Variants in INO80 observed in about 807,000 individuals in gnomAD.
The protein encoded by INO80 is INO80 complex ATPase subunit, also known as chromatin-remodeling ATPase INO80.
INO80 carries 20 observed loss-of-function variants against 203.4 expected under a neutral mutation model. That is an observed-to-expected ratio of 0.10 (90% confidence interval 0.07 to 0.14). The LOEUF (loss-of-function observed/expected upper bound fraction) is 0.14. Ranked by LOEUF, INO80 falls within the 10% of genes least tolerant of loss-of-function variation. The pLI, the probability that INO80 is intolerant of heterozygous loss-of-function variation, is 1.00. For synonymous variants in INO80, 726 were observed against 685.2 expected, an observed-to-expected ratio of 1.06 and a Z score of -0.93; for missense variants, 1,419 against 1,914.4, an observed-to-expected ratio of 0.74 and a Z score of 4.83.
At chr15:41,010,257 T>A (rs1196394865) in intron 27 of INO80, among the ~76,000 whole-genome samples, 1 of 152,238 alleles carries the variant, frequency 6.6e-6, no homozygotes. Context: ...TGGTTATGTT[T>A]ATCCAATCAT....
At chr15:41,012,465 C>T (rs1370757036) in intron 27 of INO80, among the ~76,000 whole-genome samples, 1 of 145,840 alleles carries the variant, frequency 6.9e-6, no homozygotes, top group African/African-American at 2.5e-5. Context: ...GCTCTGGAGG[C>T]TGAGGAAGAA....
intron 24 of INO80, among the ~76,000 whole-genome samples, chr15:41,038,585 A>G (rs1398751808): frequency 2.6e-5 from 4 of 152,084 alleles, no homozygotes; most frequent in Admixed American, 2.6e-4. Context: ...TTCCCTCTGG[A>G]TCCTCTCTTG....
intron 6 of INO80, among the ~76,000 whole-genome samples, chr15:41,086,318 G>A (rs2045564013): frequency 6.6e-6 from 1 of 152,034 alleles, no homozygotes; most frequent in African/African-American, 2.4e-5. Context: ...AGATAATAGA[G>A]AAAGAAGGGA....
At chr15:41,097,960 C>A (rs1213765570) in intron 1 of INO80, among the ~76,000 whole-genome samples, 2 of 151,730 alleles carry the variant, frequency 1.3e-5, no homozygotes, top group Non-Finnish European at 2.9e-5. Context: ...TCTCAAAAAA[C>A]AACAACAACA....
intron 14 of INO80, among the ~76,000 whole-genome samples, chr15:41,066,831 G>GAAA (rs11476914): frequency 3.5e-5 from 3 of 85,730 alleles, no homozygotes; most frequent in African/African-American, 9.1e-5. Flanking sequence ...ATGTCTCTAA[G>GAAA]AAAAAAAAAA....
intron 24 of INO80, among the ~76,000 whole-genome samples, chr15:41,028,813 A>G (rs8035532): frequency 0.12 from 17,961 of 152,108 alleles, 3,160 homozygotes; most frequent in African/African-American, 0.38. Flanking sequence ...CTGAGATCGC[A>G]CCATTGCACT....
At chr15:41,029,043 T>C (rs2044420332) in intron 24 of INO80, among the ~76,000 whole-genome samples, 1 of 152,220 alleles carries the variant, frequency 6.6e-6, no homozygotes, top group South Asian at 2.1e-4. Flanking sequence ...TGGATCTGCA[T>C]TCTTATTTGT....
rs2140401360 is a variant in INO80 at position 40,980,185 on chromosome 15, C to A, written c.*38G>T. On this transcript the variant is annotated 3_prime_UTR_variant, in exon 36 of 36. Coordinates refer to ENST00000648947, the MANE Select transcript of INO80 (RefSeq NM_017553.3). ...GACCACTGGCAGGTCAGGACTCTAGCCCTGGTTTGGTTGAAGGAAGTCGGA... is the reference window on the plus strand; with the variant it reads ...GACCACTGGCAGGTCAGGACTCTAGACCTGGTTTGGTTGAAGGAAGTCGGA... The A allele has an allele frequency of 6.5e-7, 1 of 1,541,062 alleles. No homozygotes were observed. The highest frequency in any genetic ancestry group is 2.2e-5 in the East Asian group (1 of 44,536).
intron 25 of INO80, chr15:41,023,495 G>A (rs190535112): frequency 3.8e-4 from 122 of 324,080 alleles, no homozygotes; most frequent in Non-Finnish European, 5.3e-4. Flanking sequence ...AGACTAAAGC[G>A]CGGTGGCTCA....
chr15:41,020,816 A>T (rs1037917688), intron 26 of INO80, 84 bp downstream of exon 26: 1 of 825,498 alleles, frequency 1.2e-6, no homozygotes, highest in East Asian at 2.5e-5. Context: ...TAAATTCCAA[A>T]TATCTGAAAG....
chr15:41,082,946 T>C (rs2045506565), intron 7 of INO80, among the ~76,000 whole-genome samples: 1 of 151,664 alleles, frequency 6.6e-6, no homozygotes, highest in South Asian at 2.1e-4. Context: ...CTTCATCAGG[T>C]ACTAAGTCAT....
chr15:41,041,585 C>T lies in INO80; in HGVS notation c.2907+3319G>A, dbSNP rs181656206. 2.8e-3 allele frequency among the ~76,000 whole-genome samples: 419 copies of T among 151,760 alleles called. 3 individuals are homozygous for T. The highest frequency in any genetic ancestry group is 0.013 in the South Asian group (62 of 4,790). On this transcript the variant is annotated intron_variant, in intron 24 of 35. Coordinates refer to ENST00000648947, the MANE Select transcript of INO80 (RefSeq NM_017553.3). The stretch of plus-strand genomic sequence containing the variant: ...CCTCCCTAGTAGTTGGGATTACAGG[C>T]GCACACCGCCACGCCCAGCTAATTT...
At chr15:41,043,426 G>GC (rs1171297040) in intron 24 of INO80, among the ~76,000 whole-genome samples, 1 of 152,126 alleles carries the variant, frequency 6.6e-6, no homozygotes, top group Non-Finnish European at 1.5e-5. Context: ...ACCACTGACA[G>GC]CATTACTCCA....
At chr15:41,060,031 C>T (rs1481912702) in intron 14 of INO80, 105 bp from the exon 15 acceptor site, 3 of 753,412 alleles carry the variant, frequency 4.0e-6, no homozygotes, top group Non-Finnish European at 6.3e-6. Context: ...ATAAAATGAG[C>T]ATAGGAATTC....
intron 24 of INO80, among the ~76,000 whole-genome samples, chr15:41,039,422 T>G (rs1212780024): frequency 6.6e-6 from 1 of 152,242 alleles, no homozygotes; most frequent in Non-Finnish European, 1.5e-5. Context: ...GTGTGTGTGT[T>G]TTTAAGCATG....
intron 28 of INO80, among the ~76,000 whole-genome samples, chr15:41,003,454 C>T (rs577177036): frequency 1.4e-4 from 21 of 150,328 alleles, no homozygotes; most frequent in Non-Finnish European, 2.2e-4. Context: ...CTCAGCCTCC[C>T]GAGTAGCTGG....
intron 32 of INO80, 131 bp from the exon 33 acceptor site, chr15:40,984,483 G>A (rs933024780): frequency 9.7e-6 from 8 of 826,076 alleles, no homozygotes; most frequent in Middle Eastern, 2.3e-4. Context: ...ATATTTTTAC[G>A]GAAGAAAAAC....
At chr15:41,060,326 C>G (rs969960277) in intron 14 of INO80, among the ~76,000 whole-genome samples, 2 of 152,158 alleles carry the variant, frequency 1.3e-5, no homozygotes, top group Admixed American at 6.5e-5. Flanking sequence ...TGGTAGCTCA[C>G]GCCTGTAATC....
At chr15:40,993,183 T>G (rs756216413) in intron 29 of INO80, among the ~76,000 whole-genome samples, 12 of 152,304 alleles carry the variant, frequency 7.9e-5, no homozygotes, top group East Asian at 3.9e-4. Context: ...CTACTTTGCT[T>G]CTTTGTGGCT....
Sources: allele counts gnomAD v4.1 joint callset (sites outside exome capture counted in the v4.1 genomes callset), GRCh38; gene constraint gnomAD v4.1.1; transcripts MANE v1.5; gene names NCBI Gene and HGNC (gene_info 2026-07-23, HGNC 2026-07-21).